The following CSMD3 variants were observed in gnomAD, a reference collection of about 807,000 sequenced individuals.
The protein encoded by CSMD3 is CUB and Sushi multiple domains 3.
CSMD3 carries 177 observed loss-of-function variants against 435.2 expected under a neutral mutation model. The ratio of observed to expected loss-of-function variants is 0.41; its 90% CI spans 0.36 to 0.46. CSMD3 has a LOEUF of 0.46. Among genes scored for constraint, CSMD3 ranks in the 20% least tolerant of loss-of-function variants. The pLI is 0.34. For synonymous variants in CSMD3, 1,656 were observed against 1,520.5 expected (o/e 1.09, Z -2.07); for missense variants, 4,265 against 4,504.6 (o/e 0.95, Z 1.52).
In CSMD3 at chr8:113,318,258, T is replaced by C. The variant is rs562117909; in HGVS notation, c.179-3465A>G. Among the ~76,000 whole-genome samples the C allele has an allele frequency of 5.3e-5, 8 of 152,258 alleles. 1 individual carries two copies. In the South Asian group the frequency reaches 1.2e-3, roughly 24 times the overall value. ...CCCTCAATCCTAATTCTGGCAACAT[T>C]AGATATTTTTGAAAGGCAAATTTTG... On this transcript the variant is annotated intron_variant, in intron 1 of 70. Coordinates refer to ENST00000297405, the MANE Select transcript of CSMD3 (RefSeq NM_198123.2).
chr8:112,437,832 A>G (rs1814541767), intron 32 of CSMD3, among the ~76,000 whole-genome samples: 1 of 152,160 alleles, frequency 6.6e-6, no homozygotes, highest in Non-Finnish European at 1.5e-5. Flanking sequence ...TCGTATGGCT[A>G]CATGAAAGCC....
rs1563913452 is a variant in CSMD3, at chr8:112,410,674, G to GTATATATATATA, written c.5396-1643_5396-1642insTATATATATATA. 2.1e-4 allele frequency among the ~76,000 whole-genome samples: 22 copies of GTATATATATATA among 102,404 alleles called. 1 individual carries two copies. The South Asian group carries it at 6.9e-3, about 32-fold the overall frequency. The allele number at this position is 102,404 out of a possible 152,430, so 67.2% of individuals were successfully genotyped here. A position where few individuals can be genotyped will look rare whatever the true frequency, so the allele number is the denominator to read the frequency against. On this transcript the variant is annotated intron_variant, in intron 32 of 70. Coordinates refer to ENST00000297405, the MANE Select transcript of CSMD3 (RefSeq NM_198123.2). ...TGTGTATATATATGTATATATATAT[G>GTATATATATATA]TGTATATATATATGTATATATATAT...
intron 55 of CSMD3, among the ~76,000 whole-genome samples, chr8:112,292,070 A>G (rs1431256848): frequency 6.6e-6 from 1 of 152,078 alleles, no homozygotes; most frequent in Non-Finnish European, 1.5e-5. Flanking sequence ...AACTGGAAAA[A>G]CATCGAAGAG....
intron 4 of CSMD3, among the ~76,000 whole-genome samples, chr8:113,132,384 CT>C (rs2091305701): frequency 6.6e-6 from 1 of 152,048 alleles, no homozygotes; most frequent in African/African-American, 2.4e-5. Flanking sequence ...AGGGAGGGGC[CT>C]GGTGGGAGAT....
intron 12 of CSMD3, among the ~76,000 whole-genome samples, chr8:112,807,445 C>A (rs559596580): frequency 6.6e-6 from 1 of 152,062 alleles, no homozygotes; most frequent in East Asian, 1.9e-4. Context: ...TAAGCTGACA[C>A]AAGCAGCACA....
chr8:112,916,718 A>G (rs1185540993), intron 10 of CSMD3, among the ~76,000 whole-genome samples: 9 of 152,074 alleles, frequency 5.9e-5, no homozygotes, highest in South Asian at 4.1e-4. Flanking sequence ...TTACCTTTGC[A>G]TAACAGGAAG....
chr8:113,211,455 C>T (rs894639341), intron 3 of CSMD3, among the ~76,000 whole-genome samples: 6 of 151,918 alleles, frequency 3.9e-5, no homozygotes, highest in African/African-American at 1.5e-4. Context: ...TATAAAGCAC[C>T]CAACAAAATG....
chr8:112,351,119 T>G, intron 40 of CSMD3, 56 bp downstream of exon 40: 1 of 1,039,400 alleles, frequency 9.6e-7, no homozygotes, highest in South Asian at 1.3e-5. Flanking sequence ...TACTTTATAG[T>G]CTTTTTTTTT....
chr8:113,307,868 T>A (rs147855255), intron 2 of CSMD3, among the ~76,000 whole-genome samples: 2 of 152,310 alleles, frequency 1.3e-5, no homozygotes, highest in African/African-American at 4.8e-5. Context: ...CATACAGTGA[T>A]GGTGAAGTAC....
At chr8:113,084,343 C>A (rs778456429) in intron 5 of CSMD3, among the ~76,000 whole-genome samples, 6 of 151,832 alleles carry the variant, frequency 4.0e-5, no homozygotes, top group Non-Finnish European at 8.8e-5. Flanking sequence ...AGAAAGAAAT[C>A]CCATTTGTAA....
chr8:112,690,687 G>A (rs545609132), intron 13 of CSMD3, among the ~76,000 whole-genome samples: 2 of 150,132 alleles, frequency 1.3e-5, no homozygotes, highest in South Asian at 4.2e-4. Context: ...TCTTGGATGA[G>A]TGGAAAGAGA....
intron 38 of CSMD3, among the ~76,000 whole-genome samples, chr8:112,356,159 C>T (rs574362121): frequency 8.6e-4 from 131 of 152,176 alleles, no homozygotes; most frequent in African/African-American, 3.0e-3. Context: ...ACCATTTAAC[C>T]CAGCAATCTC....
intron 11 of CSMD3, among the ~76,000 whole-genome samples, chr8:112,846,891 A>G (rs978777552): frequency 2.0e-5 from 3 of 152,198 alleles, no homozygotes; most frequent in South Asian, 2.1e-4. Flanking sequence ...TGGTTCACTT[A>G]AGAGGAGGGG....
intron 34 of CSMD3, among the ~76,000 whole-genome samples, chr8:112,407,828 A>C (rs1240608577): frequency 6.6e-6 from 1 of 152,100 alleles, no homozygotes; most frequent in Non-Finnish European, 1.5e-5. Context: ...TAAAATGTGT[A>C]AACAAACTTC....
intron 6 of CSMD3, among the ~76,000 whole-genome samples, chr8:113,003,200 G>A (rs1187687617): frequency 2.6e-5 from 4 of 151,958 alleles, no homozygotes; most frequent in Non-Finnish European, 4.4e-5. Context: ...AGCCAAGATC[G>A]CACCATTGCA....
intron 1 of CSMD3, among the ~76,000 whole-genome samples, chr8:113,428,252 CT>C (rs1312176517): frequency 6.7e-6 from 1 of 150,214 alleles, no homozygotes; most frequent in Non-Finnish European, 1.5e-5. Context: ...ATCTATCTAT[CT>C]ATCTATCTTT....
chr8:113,168,414 G>A (rs2092196718), intron 4 of CSMD3, among the ~76,000 whole-genome samples: 2 of 150,672 alleles, frequency 1.3e-5, no homozygotes, highest in Non-Finnish European at 3.0e-5. Context: ...CCAGCTACTT[G>A]GGAGGCTGAG....
intron 10 of CSMD3, among the ~76,000 whole-genome samples, chr8:112,897,692 C>CTGTGTGTGTG (rs1172828603): frequency 2.8e-4 from 16 of 56,986 alleles, no homozygotes; most frequent in African/African-American, 6.8e-4. Context: ...CTCTCTCTCT[C>CTGTGTGTGTG]TCTGTGTGTG....
intron 5 of CSMD3, among the ~76,000 whole-genome samples, chr8:113,070,006 T>TA (rs2089037361): frequency 6.6e-6 from 1 of 152,084 alleles, no homozygotes; most frequent in African/African-American, 2.4e-5. Flanking sequence ...ACTGAGATGC[T>TA]GGAGTTAATT....
Sources: gnomAD v4.1 joint callset for allele counts (sites outside exome capture counted in the v4.1 genomes callset) on GRCh38, gnomAD v4.1.1 for gene constraint, MANE v1.5 for transcripts, NCBI Gene and HGNC (gene_info 2026-07-23, HGNC 2026-07-21) for gene names.